ARHGEF12: variants seen among roughly 807,000 people sequenced by gnomAD.
ARHGEF12 encodes KMT2A/ARHGEF12 fusion protein.
Under a neutral mutation model 211.2 loss-of-function variants are expected in ARHGEF12, and 66 were observed. That is an observed-to-expected ratio of 0.31 (90% CI 0.26 to 0.38). The LOEUF is 0.38. ARHGEF12 is among the 10% of genes least tolerant of loss of function. The pLI, the probability that ARHGEF12 is intolerant of heterozygous loss-of-function variation, is 1.00. For missense variants in ARHGEF12, 1,429 were observed against 1,869.5 expected (o/e 0.76, Z 4.34); for synonymous variants, 592 against 638.4 (o/e 0.93, Z 1.09).
At chr11:120,388,617 A>G (rs1229222556) in intron 1 of ARHGEF12, among the ~76,000 whole-genome samples, 3 of 152,182 alleles carry the variant, frequency 2.0e-5, no homozygotes, top group African/African-American at 4.8e-5. Context: ...AACTTCATTA[A>G]TAGTTGGTTT....
At chr11:120,468,666 G>A (rs1440463579) in intron 29 of ARHGEF12, among the ~76,000 whole-genome samples, 1 of 152,160 alleles carries the variant, frequency 6.6e-6, no homozygotes, top group Non-Finnish European at 1.5e-5. Context: ...GGCCAGACTG[G>A]TCTTGAACTC....
At chr11:120,455,931 G>A (rs2135875052) in intron 22 of ARHGEF12, among the ~76,000 whole-genome samples, 1 of 152,296 alleles carries the variant, frequency 6.6e-6, no homozygotes, top group East Asian at 1.9e-4. Flanking sequence ...AAAGTGGCAT[G>A]ATCTTTAGCA....
chr11:120,476,002 A>G (rs575188965), intron 33 of ARHGEF12: 1 of 153,074 alleles, frequency 6.5e-6, no homozygotes, highest in East Asian at 1.9e-4. Flanking sequence ...TTAACTAACA[A>G]CTTAGCAAAA....
At chr11:120,472,004 G>T (rs1289382151) in intron 30 of ARHGEF12, among the ~76,000 whole-genome samples, 1 of 152,108 alleles carries the variant, frequency 6.6e-6, no homozygotes, top group Non-Finnish European at 1.5e-5. Context: ...TCAGTAAGGC[G>T]TAATGAAATA....
chr11:120,477,418 A>ATTTT, intron 35 of ARHGEF12, 29 bp from the exon 36 acceptor site: 1 of 1,270,586 alleles, frequency 7.9e-7, no homozygotes, highest in Non-Finnish European at 1.1e-6. Context: ...GGAAGGTAAA[A>ATTTT]GTTTTTTTTT....
chr11:120,477,533 T>C lies in ARHGEF12; in HGVS notation c.3532+7T>C, dbSNP rs1947083163. On this transcript the variant is annotated splice_region_variant and intron_variant, in intron 36 of 40. Coordinates refer to ENST00000397843, the MANE Select transcript of ARHGEF12 (RefSeq NM_015313.3). ...ACTGGTTTGCAGAGTCCAGGTACAC[T>C]CTTCTGAAGAGTTCAATGGAGAATG... The C allele has an allele frequency of 6.2e-7, 1 of 1,609,184 alleles. No homozygotes were observed. Among genetic ancestry groups the C allele is most frequent in the African/African-American group, 1.3e-5 (1 of 74,412 alleles).
intron 1 of ARHGEF12, among the ~76,000 whole-genome samples, chr11:120,385,074 C>A (rs1224042926): frequency 6.6e-6 from 1 of 151,898 alleles, no homozygotes; most frequent in Non-Finnish European, 1.5e-5. Flanking sequence ...ATAATTGGAT[C>A]TTTTTTGCAA....
At chr11:120,425,736 G>A (rs1315144765) in intron 7 of ARHGEF12, among the ~76,000 whole-genome samples, 14 of 145,676 alleles carry the variant, frequency 9.6e-5, no homozygotes, top group African/African-American at 2.6e-4. Context: ...GGTTTGGGCC[G>A]TATGTATTTG....
intron 8 of ARHGEF12, among the ~76,000 whole-genome samples, chr11:120,428,666 T>G (rs971063513): frequency 6.6e-6 from 1 of 152,106 alleles, no homozygotes; most frequent in Admixed American, 6.5e-5. Context: ...CAAGTAACTA[T>G]AATACAAGGC....
intron 39 of ARHGEF12, among the ~76,000 whole-genome samples, chr11:120,482,152 A>ATC (rs1947264379): frequency 6.6e-6 from 1 of 152,164 alleles, no homozygotes; most frequent in Non-Finnish European, 1.5e-5. Context: ...AAGAACCTGA[A>ATC]ATGCTTCGGG....
chr11:120,367,757 G>A (rs1943470196), intron 1 of ARHGEF12, among the ~76,000 whole-genome samples: 1 of 152,170 alleles, frequency 6.6e-6, no homozygotes, highest in Admixed American at 6.5e-5. Flanking sequence ...GATTGCTTAA[G>A]GTCAGGTGTT....
In ARHGEF12 at chr11:120,336,742, G is replaced by A. The variant is rs556856170; in HGVS notation, c.-502G>A. Among the ~76,000 whole-genome samples, 39 of 152,300 alleles carry A rather than the reference G, an allele frequency of 2.6e-4. No homozygotes were observed. The East Asian group carries it at 7.6e-3, about 30-fold the overall frequency. ...ATGGAATCGCGCGAGCCCGGCGCGG[G>A]ACGGCCGGAGACGCGGCCAACGCTG... On this transcript the variant is annotated 5_prime_UTR_variant, in exon 1 of 41. Coordinates refer to ENST00000397843, the MANE Select transcript of ARHGEF12 (RefSeq NM_015313.3).
intron 10 of ARHGEF12, among the ~76,000 whole-genome samples, chr11:120,431,234 G>C (rs888108121): frequency 1.3e-5 from 2 of 152,052 alleles, no homozygotes; most frequent in Non-Finnish European, 2.9e-5. Flanking sequence ...AGGTTACAGT[G>C]AGCCGAGATC....
chr11:120,449,733 CG>C (rs1946149805), intron 21 of ARHGEF12: 1 of 149,724 alleles, frequency 6.7e-6, no homozygotes, highest in Non-Finnish European at 1.5e-5. Context: ...AAAAAAAAAA[CG>C]AAAACACACA....
chr11:120,485,226 CAGA>C lies in ARHGEF12; in HGVS notation c.*150_*152del. ...GGGATTAGTCAAGTCCCAAGGTGCC[CAGA>C]GTGGGACTAGTTCTTCACAGTGTGG... is the stretch of plus-strand genomic sequence containing the variant. On this transcript the variant is annotated 3_prime_UTR_variant, in exon 41 of 41. Coordinates refer to ENST00000397843, the MANE Select transcript of ARHGEF12 (RefSeq NM_015313.3). 2 of 864,452 alleles carry C rather than the reference CAGA, an allele frequency of 2.3e-6. No individual in the cohort carries two copies. Among genetic ancestry groups the C allele is most frequent in the Non-Finnish European group, 3.7e-6 (2 of 541,068 alleles). The allele number at this position is 864,452 out of a possible 1,614,324, so 53.5% of individuals were successfully genotyped here.
intron 1 of ARHGEF12, among the ~76,000 whole-genome samples, chr11:120,401,825 T>C (rs1465550702): frequency 6.6e-6 from 1 of 152,222 alleles, no homozygotes; most frequent in Non-Finnish European, 1.5e-5. Context: ...CATCACTGGC[T>C]TTGAATTATA....
chr11:120,392,295 G>A (rs1376742910), intron 1 of ARHGEF12, among the ~76,000 whole-genome samples: 1 of 152,054 alleles, frequency 6.6e-6, no homozygotes, highest in Non-Finnish European at 1.5e-5. Flanking sequence ...TGCCTCTAAG[G>A]TCTTTTTTGA....
In ARHGEF12 at chr11:120,489,820, T is replaced by G. The variant is rs953910358; in HGVS notation, c.*4743T>G. On this transcript the variant is annotated 3_prime_UTR_variant, in exon 41 of 41. Transcript: ENST00000397843. ...AAACATATATCTATATCTATATATA[T>G]AGATACAGATACAGATACATATCTG... 5.3e-6 allele frequency: 1 copy of G among 187,174 alleles called. No homozygotes were observed. The highest frequency in any genetic ancestry group is 1.1e-5 in the Non-Finnish European group (1 of 88,702). 11.6% of individuals were successfully genotyped at this position (187,174 alleles called of 1,614,324 possible). A position where few individuals can be genotyped will look rare whatever the true frequency, so the allele number is the denominator to read the frequency against.
At chr11:120,369,274 G>T (rs781710769) in intron 1 of ARHGEF12, among the ~76,000 whole-genome samples, 10 of 151,710 alleles carry the variant, frequency 6.6e-5, no homozygotes, top group African/African-American at 2.2e-4. Context: ...GACTACAGGC[G>T]CACACCCGCA....
Sources: allele counts gnomAD v4.1 joint callset (sites outside exome capture counted in the v4.1 genomes callset), GRCh38; gene constraint gnomAD v4.1.1; transcripts MANE v1.5; gene names NCBI Gene and HGNC (gene_info 2026-07-23, HGNC 2026-07-21).